The following MRRF variants were observed in gnomAD, a reference collection of about 807,000 sequenced individuals.
MRRF encodes ribosome-recycling factor, mitochondrial.
Under a neutral mutation model 25.1 loss-of-function variants are expected in MRRF, and 18 were observed. The observed-to-expected ratio is 0.72, with a 90% confidence interval of 0.50 to 1.06. The LOEUF (loss-of-function observed/expected upper bound fraction) is 1.06, where lower values mean the gene tolerates loss of function less well. Among genes scored for constraint, MRRF ranks in the 50% least tolerant of loss-of-function variants. The pLI is 0.00. For synonymous variants in MRRF, 113 were observed against 112.1 expected, an observed-to-expected ratio of 1.01 and a Z score of -0.05; for missense variants, 323 against 319.3, an observed-to-expected ratio of 1.01 and a Z score of -0.09.
At chr9:122,289,864 T>TA (rs1460978404) in intron 4 of MRRF, among the ~76,000 whole-genome samples, 3 of 151,458 alleles carry the variant, frequency 2.0e-5, no homozygotes, top group Non-Finnish European at 2.9e-5. Flanking sequence ...TCCATCTCTA[T>TA]AAAAAATACA....
intron 2 of MRRF, among the ~76,000 whole-genome samples, chr9:122,276,791 T>C (rs1193828041): frequency 6.6e-6 from 1 of 152,240 alleles, no homozygotes; most frequent in Non-Finnish European, 1.5e-5. Context: ...CTTTTCTGTT[T>C]TTTTATTTGC....
In MRRF at chr9:122,325,593, T is replaced by G. The variant is rs1276839736; in HGVS notation, c.*2976T>G. ...ATGACTTTCAAAGTCCTATGAAATA[T>G]TCAGGCCAGAGAGAATTTGAGAATT... On this transcript the variant is annotated 3_prime_UTR_variant, in exon 7 of 7. Transcript: ENST00000344641. The G allele has an allele frequency of 6.6e-6, 1 of 151,762 alleles. No homozygotes were observed. The highest frequency in any genetic ancestry group is 2.4e-5 in the African/African-American group (1 of 41,182). The allele number at this position is 151,762 out of a possible 1,614,324, so 9.4% of individuals were successfully genotyped here.
At chr9:122,303,881 C>G (rs1834641176) in intron 5 of MRRF, among the ~76,000 whole-genome samples, 1 of 152,158 alleles carries the variant, frequency 6.6e-6, no homozygotes, top group African/African-American at 2.4e-5. Flanking sequence ...AAACCTACTT[C>G]CTTTCAGTGG....
chr9:122,294,571 T>G lies in MRRF; in HGVS notation c.551+2731T>G, dbSNP rs190337348. ...GGGGTCATGAGGCCCCTTACTGAAT[T>G]ATAACGTTTGGTAGTTTTCCAGATA... On this transcript the variant is annotated intron_variant, in intron 5 of 6. Coordinates refer to ENST00000344641, the MANE Select transcript of MRRF (RefSeq NM_138777.5). Among the ~76,000 whole-genome samples the G allele has an allele frequency of 2.0e-5, 3 of 152,334 alleles. 1 individual carries two copies. The highest frequency in any genetic ancestry group is 2.0e-4 in the Admixed American group (3 of 15,296).
intron 1 of MRRF, among the ~76,000 whole-genome samples, chr9:122,270,491 C>A (rs1832381433): frequency 6.6e-6 from 1 of 152,210 alleles, no homozygotes; most frequent in Non-Finnish European, 1.5e-5. Context: ...GCTCTGCCTT[C>A]CCTCTTTAAA....
chr9:122,321,542 T>C (rs940527635), intron 6 of MRRF, among the ~76,000 whole-genome samples: 5 of 152,242 alleles, frequency 3.3e-5, no homozygotes, highest in Non-Finnish European at 7.3e-5. Flanking sequence ...GGTTAAATGG[T>C]ATGAACATTT....
chr9:122,303,781 A>C (rs1355782559), intron 5 of MRRF, among the ~76,000 whole-genome samples: 1 of 152,222 alleles, frequency 6.6e-6, no homozygotes, highest in Non-Finnish European at 1.5e-5. Context: ...TTAGTAAGTG[A>C]AGGAGCCGTT....
At chr9:122,279,516 G>A (rs1201724909) in intron 2 of MRRF, among the ~76,000 whole-genome samples, 1 of 152,164 alleles carries the variant, frequency 6.6e-6, no homozygotes, top group African/African-American at 2.4e-5. Flanking sequence ...TTTGTTGAAT[G>A]TTTAATGAAT....
chr9:122,277,510 T>C (rs769289069), intron 2 of MRRF, among the ~76,000 whole-genome samples: 3 of 152,210 alleles, frequency 2.0e-5, no homozygotes, highest in Non-Finnish European at 2.9e-5. Flanking sequence ...CATTTATATT[T>C]ATTGTAGTCA....
intron 5 of MRRF, among the ~76,000 whole-genome samples, chr9:122,308,538 A>G (rs1835006319): frequency 6.6e-6 from 1 of 151,514 alleles, no homozygotes; most frequent in South Asian, 2.1e-4. Context: ...GTCTCTACTA[A>G]AAATACAAAA....
intron 5 of MRRF, among the ~76,000 whole-genome samples, chr9:122,293,014 G>A (rs148068609): frequency 7.9e-5 from 12 of 152,212 alleles, no homozygotes; most frequent in African/African-American, 2.9e-4. Context: ...ACAACAAAAA[G>A]TCCCTCTCTT....
At position 122,304,062 on chromosome 9, in the gene MRRF, A is replaced by AACACACACACACACACACACACACAC. The variant is rs66775611; in HGVS notation, c.552-9152_552-9127dup. On this transcript the variant is annotated intron_variant, in intron 5 of 6. Coordinates refer to ENST00000344641, the MANE Select transcript of MRRF (RefSeq NM_138777.5). ...GGAAATACTGGTAATACCCTTTTCT[A>AACACACACACACACACACACACACAC]ACACACACACACACACACACACACA... Among the ~76,000 whole-genome samples the AACACACACACACACACACACACACAC allele has an allele frequency of 1.1e-3, 148 of 139,866 alleles. 1 individual carries two copies. The highest frequency in any genetic ancestry group is 3.8e-3 in the African/African-American group (143 of 37,352). The allele number at this position is 139,866 out of a possible 152,430, so 91.8% of individuals were successfully genotyped here. A position where few individuals can be genotyped will look rare whatever the true frequency, so the allele number is the denominator to read the frequency against.
At chr9:122,310,576 G>C (rs1216942717) in intron 5 of MRRF, among the ~76,000 whole-genome samples, 1 of 152,234 alleles carries the variant, frequency 6.6e-6, no homozygotes, top group Non-Finnish European at 1.5e-5. Flanking sequence ...TTCCGCAGTA[G>C]ATACTAGCAA....
intron 5 of MRRF, among the ~76,000 whole-genome samples, chr9:122,301,764 C>T (rs1230960527): frequency 6.6e-6 from 1 of 150,904 alleles, no homozygotes; most frequent in African/African-American, 2.4e-5. Flanking sequence ...GATACAGTCT[C>T]TCTCTGTTGC....
chr9:122,315,012 C>T (rs1404574163), intron 6 of MRRF, among the ~76,000 whole-genome samples: 2 of 152,014 alleles, frequency 1.3e-5, no homozygotes, highest in Non-Finnish European at 2.9e-5. Flanking sequence ...TAGCTGCTCC[C>T]CTTCTCCTCC....
At chr9:122,271,465 A>G (rs1313481491) in intron 2 of MRRF, among the ~76,000 whole-genome samples, 2 of 152,170 alleles carry the variant, frequency 1.3e-5, no homozygotes, top group Non-Finnish European at 2.9e-5. Context: ...TGAAGTGGGT[A>G]TTAGAGCCAT....
Position 122,313,381 on chromosome 9 carries a change from A to G in MRRF, c.706A>G (p.Lys236Glu). 6.2e-7 allele frequency: 1 copy of G among 1,614,062 alleles called. No homozygotes were observed. Among genetic ancestry groups the G allele is most frequent in the Non-Finnish European group, 8.5e-7 (1 of 1,179,898 alleles). Reference sequence around the variant, plus strand: ...AGAGGACACCATTAGGCTAATAGAGAAACAGGTACTATTGCCAGCAATGTA... The same window carrying G: ...AGAGGACACCATTAGGCTAATAGAGGAACAGGTACTATTGCCAGCAATGTA... ...VSEDTIRLIE[K>E]QISQMADDTV... is the part of the protein sequence containing the mutation. Residue 236 changes from lysine (K) to glutamate (E), a missense_variant, in exon 6 of 7, where the codon AAA becomes GAA. Coordinates refer to ENST00000344641, the MANE Select transcript of MRRF (RefSeq NM_138777.5).
chr9:122,327,218 CAGAG>C lies in MRRF; in HGVS notation c.*4604_*4607del, dbSNP rs1289898120. On this transcript the variant is annotated 3_prime_UTR_variant, in exon 7 of 7. Coordinates refer to ENST00000344641, the MANE Select transcript of MRRF (RefSeq NM_138777.5). Reference sequence around the variant, plus strand: ...TTTGGCCAACTTCTCTAGAATATGTCAGAGAGCAAGCAAAATGTTCACCAAGCAG... The same window carrying C: ...TTTGGCCAACTTCTCTAGAATATGTCAGCAAGCAAAATGTTCACCAAGCAG... 6.6e-6 allele frequency: 1 copy of C among 152,104 alleles called. No homozygotes were observed. Among genetic ancestry groups the C allele is most frequent in the Non-Finnish European group, 1.5e-5 (1 of 68,018 alleles). 9.4% of individuals were successfully genotyped at this position (152,104 alleles called of 1,614,324 possible). A position where few individuals can be genotyped will look rare whatever the true frequency, so the allele number is the denominator to read the frequency against.
chr9:122,291,817 G>T lies in MRRF; in HGVS notation c.528G>T (p.Thr176=), dbSNP rs751736456. The change falls in exon 5 of 7, where the codon ACG becomes ACT. Residue 176 remains threonine, a synonymous_variant. Coordinates refer to ENST00000344641, the MANE Select transcript of MRRF (RefSeq NM_138777.5). Reference sequence around the variant, plus strand: ...ATCTGAACCCAGAAGTGGAAGGGACGCTAATTCGGGTACCCATTCCCCAGT... The same window carrying T: ...ATCTGAACCCAGAAGTGGAAGGGACTCTAATTCGGGTACCCATTCCCCAGT... ...GMNLNPEVEG[T]LIRVPIPQVT... 2.5e-6 allele frequency: 4 copies of T among 1,613,368 alleles called. No homozygotes were observed. The East Asian group carries it at 8.9e-5, about 36-fold the overall frequency.
Sources: gnomAD v4.1 joint callset for allele counts (sites outside exome capture counted in the v4.1 genomes callset) on GRCh38, gnomAD v4.1.1 for gene constraint, MANE v1.5 for transcripts, NCBI Gene and HGNC (gene_info 2026-07-23, HGNC 2026-07-21) for gene names.